COL24A1: variants seen among roughly 807,000 people sequenced by gnomAD.
COL24A1 encodes collagen type XXIV alpha 1 chain, also known as collagen alpha-1(XXIV) chain.
COL24A1 carries 224 observed loss-of-function variants against 253.9 expected under a neutral mutation model. The ratio of observed to expected loss-of-function variants is 0.88; its 90% confidence interval spans 0.79 to 0.99. The LOEUF (loss-of-function observed/expected upper bound fraction) is 0.99, where lower values mean the gene tolerates loss of function less well. COL24A1 is among the 50% of genes least tolerant of loss of function. The pLI is 0.00. For synonymous variants in COL24A1, 685 were observed against 673.7 expected (o/e 1.02, Z -0.26); for missense variants, 2,131 against 2,068.5 (o/e 1.03, Z -0.59).
chr1:86,113,973 T>C (rs138748444), intron 4 of COL24A1, among the ~76,000 whole-genome samples: 1 of 151,898 alleles, frequency 6.6e-6, no homozygotes, highest in Non-Finnish European at 1.5e-5. Context: ...AATAAGTTGC[T>C]GATGTAAAAG....
In COL24A1 at chr1:86,050,154, T is replaced by A; in HGVS notation, c.1875A>T (p.Glu625Asp). 6.2e-7 allele frequency: 1 copy of A among 1,613,534 alleles called. No individual in the cohort carries two copies. Residue 625 changes from glutamate to aspartate, a missense_variant, in exon 11 of 60, where the codon GAA becomes GAT. Transcript: ENST00000370571. ...CTCCTTCAGGTCCCAGTTGTCCCGC[T>A]TCTCCAGGAGAGCCAATAAAACCCT... The part of the protein sequence containing the change: ...GAQGFIGSPG[E>D]AGQLGPEGER...
At chr1:85,854,646 C>T (rs193094108) in intron 37 of COL24A1, among the ~76,000 whole-genome samples, 1 of 151,656 alleles carries the variant, frequency 6.6e-6, no homozygotes. Flanking sequence ...TTTCTTTCAG[C>T]AGTGTCTTGT....
chr1:86,126,334 T>A (rs1314461953), intron 2 of COL24A1, 120 bp from the exon 3 acceptor site: 4 of 849,206 alleles, frequency 4.7e-6, no homozygotes, highest in Non-Finnish European at 7.1e-6. Flanking sequence ...AAAATAAGCA[T>A]GTTCTATCAA....
intron 2 of COL24A1, among the ~76,000 whole-genome samples, chr1:86,138,900 C>A (rs1335161226): frequency 6.6e-6 from 1 of 151,950 alleles, no homozygotes. Context: ...TCCCTTCATG[C>A]CAATCTTTAC....
At chr1:85,893,548 G>T (rs1683350672) in intron 31 of COL24A1, among the ~76,000 whole-genome samples, 1 of 152,028 alleles carries the variant, frequency 6.6e-6, no homozygotes, top group African/African-American at 2.4e-5. Context: ...TAGTGATCCA[G>T]GCCTTAACAC....
chr1:86,021,532 A>T (rs1473700349), intron 18 of COL24A1, among the ~76,000 whole-genome samples: 1 of 152,146 alleles, frequency 6.6e-6, no homozygotes, highest in African/African-American at 2.4e-5. Context: ...TATAAAAAAT[A>T]GGAATAATAA....
chr1:85,936,263 G>A (rs549303180), intron 24 of COL24A1, among the ~76,000 whole-genome samples: 1 of 147,320 alleles, frequency 6.8e-6, no homozygotes, highest in African/African-American at 2.5e-5. Flanking sequence ...GCTTACACAA[G>A]TGGCCTACTT....
intron 47 of COL24A1, among the ~76,000 whole-genome samples, chr1:85,790,226 TCA>T (rs963824172): frequency 1.3e-5 from 2 of 152,206 alleles, no homozygotes; most frequent in African/African-American, 4.8e-5. Flanking sequence ...TGCCTCAATT[TCA>T]GAACTCATTA....
intron 47 of COL24A1, among the ~76,000 whole-genome samples, chr1:85,810,799 G>A (rs1301315128): frequency 6.6e-6 from 1 of 152,120 alleles, no homozygotes; most frequent in Non-Finnish European, 1.5e-5. Flanking sequence ...ATAGGTTCCA[G>A]CACCATGCTT....
intron 19 of COL24A1, among the ~76,000 whole-genome samples, chr1:86,016,849 G>A (rs555681998): frequency 1.3e-5 from 2 of 152,320 alleles, no homozygotes; most frequent in South Asian, 4.1e-4. Flanking sequence ...ATTCAGTGGA[G>A]TTTCTTTCCT....
intron 52 of COL24A1, among the ~76,000 whole-genome samples, chr1:85,779,476 C>G (rs548739888): frequency 6.6e-6 from 1 of 151,868 alleles, no homozygotes; most frequent in East Asian, 1.9e-4. Flanking sequence ...AGCCAACATT[C>G]AGGATATTAG....
At chr1:85,955,181 C>T (rs764452468) in intron 24 of COL24A1, among the ~76,000 whole-genome samples, 59 of 152,146 alleles carry the variant, frequency 3.9e-4, no homozygotes, top group Non-Finnish European at 7.8e-4. Context: ...TACGGGGAGA[C>T]CACATGGAAT....
intron 1 of COL24A1, among the ~76,000 whole-genome samples, chr1:86,147,380 C>T (rs190555875): frequency 4.6e-5 from 7 of 152,170 alleles, no homozygotes; most frequent in Admixed American, 2.0e-4. Flanking sequence ...ATTCTATGGC[C>T]GTACTCAGTC....
At chr1:86,156,782 T>TGTGACTCCAG (rs1203202203), upstream of COL24A1, 30 of 161,886 alleles carry the variant, frequency 1.9e-4, no homozygotes, top group Non-Finnish European at 3.3e-4. Context: ...TGGAGTCCTC[T>TGTGACTCCAG]GCTTTGGGCC....
At chr1:85,804,229 C>T (rs1346424823) in intron 47 of COL24A1, among the ~76,000 whole-genome samples, 2 of 151,962 alleles carry the variant, frequency 1.3e-5, no homozygotes, top group Non-Finnish European at 2.9e-5. Context: ...TCTATAAAAA[C>T]AAAGGGATAT....
intron 20 of COL24A1, among the ~76,000 whole-genome samples, chr1:85,975,159 T>C (rs1571435068): frequency 6.6e-6 from 1 of 152,150 alleles, no homozygotes; most frequent in Non-Finnish European, 1.5e-5. Flanking sequence ...GGTGATTTAT[T>C]GGTGGGAATG....
intron 25 of COL24A1, 23 bp downstream of exon 25, chr1:85,911,357 C>A (rs753221798): frequency 3.1e-6 from 5 of 1,600,376 alleles, no homozygotes; most frequent in Non-Finnish European, 8.5e-7. Context: ...TCCTATAAAA[C>A]AAAATAATTC....
intron 14 of COL24A1, 120 bp downstream of exon 14, chr1:86,031,758 T>C (rs1191014841): frequency 2.7e-5 from 19 of 692,814 alleles, no homozygotes; most frequent in Non-Finnish European, 3.5e-5. Context: ...TTAATCAAGG[T>C]TGATAACCAA....
At chr1:85,932,504 C>T (rs1687831427) in intron 24 of COL24A1, among the ~76,000 whole-genome samples, 1 of 124,300 alleles carries the variant, frequency 8.0e-6, no homozygotes, top group African/African-American at 3.3e-5. Context: ...GTAAACTAGT[C>T]CAACCATTGT....
Sources: gnomAD v4.1 joint callset for allele counts (sites outside exome capture counted in the v4.1 genomes callset) on GRCh38, gnomAD v4.1.1 for gene constraint, MANE v1.5 for transcripts, NCBI Gene and HGNC (gene_info 2026-07-23, HGNC 2026-07-21) for gene names.